The following HTR7 variants were observed in gnomAD, a reference collection of about 807,000 sequenced individuals.
The protein encoded by HTR7 is 5-HT-7.
HTR7 carries 16 observed loss-of-function variants against 34.0 expected under a neutral mutation model. The observed-to-expected ratio is 0.47, with a 90% CI of 0.32 to 0.71. The LOEUF (loss-of-function observed/expected upper bound fraction) is 0.71. Among genes scored for constraint, HTR7 ranks in the 30% least tolerant of loss-of-function variants. The pLI is 0.04. For synonymous variants in HTR7, 265 were observed against 260.2 expected, an observed-to-expected ratio of 1.02 and a Z score of -0.18; for missense variants, 504 against 625.5, an observed-to-expected ratio of 0.81 and a Z score of 2.07.
intron 1 of HTR7, among the ~76,000 whole-genome samples, chr10:90,852,137 T>A (rs921048006): frequency 2.6e-5 from 4 of 151,018 alleles, no homozygotes; most frequent in Admixed American, 2.0e-4. Flanking sequence ...GGTGGGAGAA[T>A]TACTTGAGGC....
chr10:90,812,879 T>C (rs950634403), intron 1 of HTR7, among the ~76,000 whole-genome samples: 1 of 152,226 alleles, frequency 6.6e-6, no homozygotes, highest in African/African-American at 2.4e-5. Flanking sequence ...CCAGATGGCC[T>C]GAAGTAACTG....
At chr10:90,838,266 C>T (rs1219170058) in intron 1 of HTR7, among the ~76,000 whole-genome samples, 1 of 152,196 alleles carries the variant, frequency 6.6e-6, no homozygotes, top group Non-Finnish European at 1.5e-5. Flanking sequence ...TCACCATCTA[C>T]TGAATTGCTT....
intron 1 of HTR7, among the ~76,000 whole-genome samples, chr10:90,811,149 G>A (rs537635406): frequency 1.3e-5 from 2 of 152,238 alleles, no homozygotes; most frequent in Non-Finnish European, 2.9e-5. Context: ...ACACAGAGCT[G>A]AAGTGCAGGG....
In HTR7 at chr10:90,852,532, C is replaced by T. The variant is rs543235719; in HGVS notation, c.539+4601G>A. On this transcript the variant is annotated intron_variant, in intron 1 of 3. Transcript: ENST00000336152. ...TAAATTTAAACATATCCACAAATGA[C>T]TTGCACATAAATAAATGTTCAGAGC... Among the ~76,000 whole-genome samples, 7 of 152,250 alleles carry T rather than the reference C, an allele frequency of 4.6e-5. No individual in the cohort carries two copies. The South Asian group carries it at 1.5e-3, about 32-fold the overall frequency.
In HTR7 at chr10:90,857,852, T is replaced by C. The variant is rs11186339; in HGVS notation, c.-181A>G. Among the ~76,000 whole-genome samples, 11,704 of 151,454 alleles carry C rather than the reference T, an allele frequency of 0.077. 466 individuals carry two copies. Among genetic ancestry groups the C allele is most frequent in the East Asian group, 0.16 (803 of 5,138 alleles). On this transcript the variant is annotated 5_prime_UTR_variant, in exon 1 of 4. Transcript: ENST00000336152. This position sits in a 1 kb window ranked among gnomAD's most constrained non-coding sequence, Gnocchi z 6.5. ...CCGCACTCCCCGGACCCCCGGCCGC[T>C]GCGGGTAACGCGGCAGCGCGGCCTC...
At position 90,835,746 on chromosome 10, in the gene HTR7, A is replaced by G. The variant is rs1000559655; in HGVS notation, c.539+21387T>C. On this transcript the variant is annotated intron_variant, in intron 1 of 3. Coordinates refer to ENST00000336152, the MANE Select transcript of HTR7 (RefSeq NM_019859.4). ...AACAATTACAATTCAGCATGATGAGAGTAGAGAAGGAAGCTCAGGGGACTA... is the reference window on the plus strand; with the variant it reads ...AACAATTACAATTCAGCATGATGAGGGTAGAGAAGGAAGCTCAGGGGACTA... Among the ~76,000 whole-genome samples, 22 of 152,308 alleles carry G rather than the reference A, an allele frequency of 1.4e-4. 1 individual carries two copies. The highest frequency in any genetic ancestry group is 1.4e-3 in the Admixed American group (21 of 15,300).
In HTR7 at chr10:90,857,067, G is replaced by A; in HGVS notation, c.539+66C>T. ...AGCTTGATCCTCCCAGGAAAGGCGA[G>A]CGCGCGGGGCTGAGCTGCCAGCCGG... On this transcript the variant is annotated intron_variant, in intron 1 of 3. Coordinates refer to ENST00000336152, the MANE Select transcript of HTR7 (RefSeq NM_019859.4). This position sits in a 1 kb window ranked among gnomAD's most constrained non-coding sequence, Gnocchi z 6.5. 5 of 1,411,562 alleles carry A rather than the reference G, an allele frequency of 3.5e-6. No individual in the cohort carries two copies. The South Asian group carries it at 5.8e-5, about 16-fold the overall frequency. 87.4% of individuals were successfully genotyped at this position (1,411,562 alleles called of 1,614,324 possible). A position where few individuals can be genotyped will look rare whatever the true frequency, so the allele number is the denominator to read the frequency against.
chr10:90,801,084 G>A (rs1383207598), intron 1 of HTR7, among the ~76,000 whole-genome samples: 1 of 152,148 alleles, frequency 6.6e-6, no homozygotes, highest in African/African-American at 2.4e-5. Context: ...CAGATCCCAA[G>A]GTTCATTTTG....
intron 1 of HTR7, among the ~76,000 whole-genome samples, chr10:90,843,369 A>G (rs1315314781): frequency 6.6e-6 from 1 of 152,226 alleles, no homozygotes; most frequent in African/African-American, 2.4e-5. Flanking sequence ...TTTACAAACC[A>G]TTAATTACAA....
chr10:90,792,450 A>T (rs569248193), intron 1 of HTR7, among the ~76,000 whole-genome samples: 103 of 152,072 alleles, frequency 6.8e-4, no homozygotes, highest in South Asian at 1.5e-3. Flanking sequence ...GCATATTATA[A>T]ACATATCTTT....
At chr10:90,830,700 A>G (rs1434832352) in intron 1 of HTR7, among the ~76,000 whole-genome samples, 2 of 150,986 alleles carry the variant, frequency 1.3e-5, no homozygotes, top group Admixed American at 1.3e-4. Context: ...AGGTGGGAGG[A>G]TCGCTTAAGC....
rs191544906 is a variant in HTR7 at position 90,826,804 on chromosome 10, G to A, written c.539+30329C>T. Among the ~76,000 whole-genome samples, 932 of 152,048 alleles carry A rather than the reference G, an allele frequency of 6.1e-3. 13 individuals carry two copies. The highest frequency in any genetic ancestry group is 0.022 in the African/African-American group (892 of 41,484). ...TACAAAAAATTAGCCAGGTGTGGTG[G>A]CGGGTGCCTGTGGTCCCAGCTGCTC... On this transcript the variant is annotated intron_variant, in intron 1 of 3. Coordinates refer to ENST00000336152, the MANE Select transcript of HTR7 (RefSeq NM_019859.4).
intron 1 of HTR7, among the ~76,000 whole-genome samples, chr10:90,855,337 T>C (rs1424940896): frequency 6.6e-6 from 1 of 152,216 alleles, no homozygotes; most frequent in Non-Finnish European, 1.5e-5. Context: ...AGCTCATGTA[T>C]AGGAATCACA....
rs1380056176 is a variant in HTR7, at chr10:90,784,891, A to G, written c.540-35297T>C. 3.3e-5 allele frequency among the ~76,000 whole-genome samples: 5 copies of G among 152,194 alleles called. No individual in the cohort carries two copies. In the East Asian group the frequency reaches 7.7e-4, roughly 23 times the overall value. The stretch of plus-strand genomic sequence containing the variant: ...TTCTTAACTCCTATTCACGTTGTCA[A>G]CCACTCTGGAAAAGGCTCAAGCTTC... On this transcript the variant is annotated intron_variant, in intron 1 of 3. Transcript: ENST00000336152.
intron 1 of HTR7, among the ~76,000 whole-genome samples, chr10:90,832,710 G>T (rs1023595419): frequency 3.9e-5 from 6 of 152,184 alleles, no homozygotes; most frequent in African/African-American, 1.4e-4. Context: ...AGCGAGGGCT[G>T]TGAGAGCTGC....
intron 1 of HTR7, among the ~76,000 whole-genome samples, chr10:90,814,816 C>T (rs921165420): frequency 6.6e-6 from 1 of 152,180 alleles, no homozygotes; most frequent in African/African-American, 2.4e-5. Flanking sequence ...GGCCCCAAAC[C>T]TTTTTATTCC....
intron 1 of HTR7, among the ~76,000 whole-genome samples, chr10:90,771,663 G>C (rs1167666764): frequency 6.6e-6 from 1 of 152,330 alleles, no homozygotes; most frequent in East Asian, 1.9e-4. Context: ...GCAGCAGCCA[G>C]CATGTCTGAC....
intron 1 of HTR7, among the ~76,000 whole-genome samples, chr10:90,798,395 T>C (rs893462654): frequency 5.3e-5 from 8 of 152,168 alleles, no homozygotes; most frequent in African/African-American, 1.9e-4. Context: ...TCTGGTTAAA[T>C]TGGACTGGGT....
intron 1 of HTR7, among the ~76,000 whole-genome samples, chr10:90,832,603 C>T (rs1357923848): frequency 2.0e-5 from 3 of 152,204 alleles, no homozygotes; most frequent in Admixed American, 6.5e-5. Flanking sequence ...CCAGCCTCAG[C>T]CAGCCCAGAG....
Sources: gnomAD v4.1 joint callset for allele counts (sites outside exome capture counted in the v4.1 genomes callset) on GRCh38, gnomAD v4.1.1 for gene constraint, Gnocchi (gnomAD v3.1) non-coding constraint, MANE v1.5 for transcripts, NCBI Gene and HGNC (gene_info 2026-07-23, HGNC 2026-07-21) for gene names.